The following SHISAL1 variants were observed in gnomAD, a reference collection of about 807,000 sequenced individuals.
The protein encoded by SHISAL1 is shisa like 1, also known as protein shisa-like-1.
A neutral mutation model predicts 22.6 loss-of-function variants in SHISAL1; 9 were observed. The ratio of observed to expected loss-of-function variants is 0.40; its 90% confidence interval spans 0.24 to 0.70. SHISAL1 has a LOEUF of 0.70. Ranked by LOEUF, SHISAL1 falls within the 30% of genes least tolerant of loss-of-function variation. SHISAL1 has a pLI of 0.39. For synonymous variants in SHISAL1, 119 were observed against 115.4 expected, an observed-to-expected ratio of 1.03 and a Z score of -0.20; for missense variants, 246 against 270.6, an observed-to-expected ratio of 0.91 and a Z score of 0.64.
Position 44,248,350 on chromosome 22 carries a change from G to A in SHISAL1, c.*1335C>T, listed in dbSNP as rs1286704619. The stretch of plus-strand genomic sequence containing the variant: ...GCCTCCCGAGCTAAGAGCTGGGGGA[G>A]ATTTGGTATCACTAACACCCATGGA... On this transcript the variant is annotated 3_prime_UTR_variant, in exon 5 of 5. Transcript: ENST00000381176. The A allele has an allele frequency of 6.6e-6, 1 of 152,290 alleles. No individual in the cohort carries two copies. The allele number at this position is 152,290 out of a possible 1,614,324, so 9.4% of individuals were successfully genotyped here. A position where few individuals can be genotyped will look rare whatever the true frequency, so the allele number is the denominator to read the frequency against.
chr22:44,307,009 C>T (rs1187860486), intron 1 of SHISAL1, among the ~76,000 whole-genome samples: 2 of 152,016 alleles, frequency 1.3e-5, no homozygotes, highest in Admixed American at 1.3e-4. Flanking sequence ...GTGGAGGGGA[C>T]CTGGGATCTG....
chr22:44,320,651 GGCC>G, the SHISAL1 span, among the ~76,000 whole-genome samples: 1 of 152,212 alleles, frequency 6.6e-6, no homozygotes, highest in African/African-American at 2.4e-5. Context: ...GATTCTGCCA[GGCC>G]GCCGCCCTCC....
intron 3 of SHISAL1, among the ~76,000 whole-genome samples, chr22:44,292,191 G>A (rs1486548487): frequency 6.6e-6 from 1 of 152,140 alleles, no homozygotes; most frequent in East Asian, 1.9e-4. Context: ...CTGTGGCGGG[G>A]CGGGGGTCGG....
chr22:44,251,605 G>A (rs748367350), intron 4 of SHISAL1, among the ~76,000 whole-genome samples: 3 of 152,204 alleles, frequency 2.0e-5, no homozygotes, highest in African/African-American at 7.2e-5. Flanking sequence ...TCACAATCAT[G>A]GCAAAAGGCA....
intron 4 of SHISAL1, among the ~76,000 whole-genome samples, chr22:44,261,684 G>A (rs1026146327): frequency 1.3e-5 from 2 of 152,250 alleles, no homozygotes; most frequent in African/African-American, 4.8e-5. Flanking sequence ...CCTTCTGGAA[G>A]GAATCTTTGG....
chr22:44,331,700 C>CG, the SHISAL1 span, among the ~76,000 whole-genome samples: 1 of 147,502 alleles, frequency 6.8e-6, no homozygotes, highest in Admixed American at 6.7e-5. This position sits in a 1 kb window ranked among gnomAD's most constrained non-coding sequence, Gnocchi z 5.2. Flanking sequence ...CTAGGCGCGC[C>CG]GGGCGCGGCG....
intron 4 of SHISAL1, among the ~76,000 whole-genome samples, chr22:44,258,904 TC>T (rs2055102762): frequency 6.6e-6 from 1 of 150,806 alleles, no homozygotes; most frequent in South Asian, 2.1e-4. Flanking sequence ...GGTTGGGGGG[TC>T]AGGGGGCAGG....
At chr22:44,304,568 C>T (rs1264321781) in intron 1 of SHISAL1, among the ~76,000 whole-genome samples, 2 of 152,202 alleles carry the variant, frequency 1.3e-5, no homozygotes, top group East Asian at 3.9e-4. Flanking sequence ...GCTCCCACCA[C>T]TGCCCTGCTC....
chr22:44,263,534 A>G (rs947569522), intron 4 of SHISAL1, among the ~76,000 whole-genome samples: 35 of 152,210 alleles, frequency 2.3e-4, no homozygotes, highest in African/African-American at 8.0e-4. Flanking sequence ...AAGGAGAAAG[A>G]GACTCTGCTG....
intron 4 of SHISAL1, among the ~76,000 whole-genome samples, chr22:44,255,272 C>T (rs186295884): frequency 2.6e-5 from 4 of 152,312 alleles, no homozygotes; most frequent in Non-Finnish European, 5.9e-5. Context: ...CAAACTCTCA[C>T]CTAAACTCCA....
intron 4 of SHISAL1, among the ~76,000 whole-genome samples, chr22:44,284,126 C>T (rs974322300): frequency 4.6e-5 from 7 of 152,008 alleles, no homozygotes; most frequent in Non-Finnish European, 5.9e-5. Flanking sequence ...ATTATTCAAT[C>T]GATAAGCACA....
chr22:44,309,887 C>A (rs529767913), intron 1 of SHISAL1, among the ~76,000 whole-genome samples: 1 of 152,372 alleles, frequency 6.6e-6, no homozygotes, highest in African/African-American at 2.4e-5. Flanking sequence ...CGAGGCTCCA[C>A]GCCTGCATAT....
chr22:44,330,189 A>G, the SHISAL1 span, among the ~76,000 whole-genome samples: 4 of 152,236 alleles, frequency 2.6e-5, no homozygotes, highest in African/African-American at 4.8e-5. Flanking sequence ...CTCAGTGGGA[A>G]CCGACAGGGG....
intron 4 of SHISAL1, among the ~76,000 whole-genome samples, chr22:44,281,007 G>T (rs912617700): frequency 2.0e-5 from 3 of 152,166 alleles, no homozygotes; most frequent in Non-Finnish European, 4.4e-5. Context: ...TGGCAGGAAC[G>T]TGGCAACATC....
intron 4 of SHISAL1, among the ~76,000 whole-genome samples, chr22:44,269,543 C>A (rs527487496): frequency 7.7e-5 from 11 of 143,184 alleles, no homozygotes; most frequent in African/African-American, 2.3e-4. Context: ...ACACACCATG[C>A]CACAGATACA....
intron 2 of SHISAL1, 91 bp downstream of exon 2, chr22:44,300,788 C>T (rs2055422566): frequency 4.6e-6 from 5 of 1,094,842 alleles, no homozygotes; most frequent in Non-Finnish European, 6.9e-6. Context: ...CTCTGTGTGC[C>T]CCCAGAACCC....
At chr22:44,308,695 G>T (rs916628976) in intron 1 of SHISAL1, among the ~76,000 whole-genome samples, 16 of 152,220 alleles carry the variant, frequency 1.1e-4, no homozygotes, top group African/African-American at 3.9e-4. Flanking sequence ...GCCAGCATGG[G>T]CAGGAGCACT....
chr22:44,320,404 C>T, the SHISAL1 span, among the ~76,000 whole-genome samples: 1 of 152,176 alleles, frequency 6.6e-6, no homozygotes, highest in African/African-American at 2.4e-5. Context: ...GTGGGCCAGG[C>T]CGTGGATCAG....
intron 4 of SHISAL1, among the ~76,000 whole-genome samples, chr22:44,280,740 G>GC (rs371829840): frequency 0.55 from 82,792 of 151,714 alleles, 23,400 homozygotes; most frequent in Non-Finnish European, 0.62. Context: ...GAGGATGTCA[G>GC]CCCCCATCAG....
Sources: allele counts gnomAD v4.1 joint callset (sites outside exome capture counted in the v4.1 genomes callset), GRCh38; gene constraint gnomAD v4.1.1; non-coding constraint Gnocchi (gnomAD v3.1); transcripts MANE v1.5; gene names NCBI Gene and HGNC (gene_info 2026-07-23, HGNC 2026-07-21).